Variants in IPO11 observed in about 807,000 individuals in gnomAD.
The protein encoded by IPO11 is importin 11.
IPO11 carries 66 observed loss-of-function variants against 143.2 expected under a neutral mutation model. That is an observed-to-expected ratio of 0.46 (90% CI 0.38 to 0.57). The LOEUF (loss-of-function observed/expected upper bound fraction) is 0.57. Ranked by LOEUF, IPO11 falls within the 20% of genes least tolerant of loss-of-function variation. The pLI, the probability that IPO11 is intolerant of heterozygous loss-of-function variation, is 0.00. For missense variants in IPO11, 1,026 were observed against 1,141.0 expected (o/e 0.90, Z 1.45); for synonymous variants, 385 against 377.8 (o/e 1.02, Z -0.22).
chr5:62,558,538 T>G (rs1743654847), intron 26 of IPO11, among the ~76,000 whole-genome samples: 1 of 152,208 alleles, frequency 6.6e-6, no homozygotes. Flanking sequence ...TAAATTATAT[T>G]TTATCAGAAT....
chr5:62,467,097 C>T (rs1370163049), intron 5 of IPO11, 34 bp from the exon 6 acceptor site: 25 of 1,584,710 alleles, frequency 1.6e-5, no homozygotes, highest in Non-Finnish European at 2.1e-5. Flanking sequence ...ATGTATAATA[C>T]ACTATGAATA....
intron 14 of IPO11, 127 bp downstream of exon 14, chr5:62,489,476 G>A: frequency 1.7e-6 from 1 of 577,568 alleles, no homozygotes; most frequent in Non-Finnish European, 3.0e-6. Context: ...CAATCTGATT[G>A]GGGAGATAAC....
intron 1 of IPO11, among the ~76,000 whole-genome samples, chr5:62,426,609 G>C (rs1160272149): frequency 6.6e-6 from 1 of 151,992 alleles, no homozygotes; most frequent in Non-Finnish European, 1.5e-5. Flanking sequence ...AATTCCTATG[G>C]AAATTTAAGC....
intron 5 of IPO11, among the ~76,000 whole-genome samples, chr5:62,460,498 A>T (rs953653157): frequency 1.8e-4 from 28 of 152,212 alleles, no homozygotes; most frequent in African/African-American, 6.5e-4. Flanking sequence ...ATGAACTTTG[A>T]TGTAAAACTT....
chr5:62,620,543 C>T (rs1252075298), intron 29 of IPO11, among the ~76,000 whole-genome samples: 1 of 141,182 alleles, frequency 7.1e-6, no homozygotes. Flanking sequence ...AAAAAAAATA[C>T]ATTGGTCCAG....
intron 1 of IPO11, among the ~76,000 whole-genome samples, chr5:62,428,816 C>G (rs561925058): frequency 6.6e-6 from 1 of 152,082 alleles, no homozygotes; most frequent in Non-Finnish European, 1.5e-5. Flanking sequence ...TGTGCCACTA[C>G]TCCTGGCTAA....
At chr5:62,442,193 G>A (rs907185291) in intron 2 of IPO11, among the ~76,000 whole-genome samples, 1 of 152,164 alleles carries the variant, frequency 6.6e-6, no homozygotes, top group African/African-American at 2.4e-5. Context: ...AGGGTACTAT[G>A]AAATAGTTTT....
intron 21 of IPO11, 27 bp downstream of exon 21, chr5:62,526,284 A>C (rs1442041437): frequency 7.6e-6 from 11 of 1,455,920 alleles, no homozygotes; most frequent in Non-Finnish European, 9.6e-6. Flanking sequence ...AATACCATGG[A>C]TCTTATTTTA....
At chr5:62,475,071 G>T (rs908120403) in intron 8 of IPO11, among the ~76,000 whole-genome samples, 3 of 152,122 alleles carry the variant, frequency 2.0e-5, no homozygotes, top group African/African-American at 4.8e-5. Context: ...ACTAAGAGGG[G>T]ACTACTGTAC....
In IPO11 at chr5:62,489,283, T is replaced by TTA. The variant is rs751447659; in HGVS notation, c.1310-9_1310-8dup. ...TTTATTTGCTTTTACTGATACCTAT[T>TTA]TATATATATATTTTTTAGGACCCAC... On this transcript the variant is annotated intron_variant, in intron 13 of 29. Transcript: ENST00000325324. 7.8e-6 allele frequency: 11 copies of TTA among 1,406,544 alleles called. No homozygotes were observed. The African/African-American group carries it at 1.5e-4, about 19-fold the overall frequency. The allele number at this position is 1,406,544 out of a possible 1,614,324, so 87.1% of individuals were successfully genotyped here.
intron 16 of IPO11, among the ~76,000 whole-genome samples, chr5:62,496,947 A>C (rs913370833): frequency 2.6e-5 from 4 of 152,196 alleles, no homozygotes; most frequent in African/African-American, 9.6e-5. Flanking sequence ...GATGTTATAA[A>C]ATTTGTGAAG....
chr5:62,552,968 A>G (rs1305496467), intron 26 of IPO11, among the ~76,000 whole-genome samples: 1 of 152,222 alleles, frequency 6.6e-6, no homozygotes, highest in East Asian at 1.9e-4. Context: ...GGGAACATAC[A>G]ACAGCCTCCT....
At chr5:62,497,648 T>C (rs1252715017) in intron 16 of IPO11, among the ~76,000 whole-genome samples, 1 of 152,192 alleles carries the variant, frequency 6.6e-6, no homozygotes, top group Non-Finnish European at 1.5e-5. Flanking sequence ...TTTTGATTTT[T>C]TGTATAGACG....
At chr5:62,547,281 G>C (rs1366627967) in intron 24 of IPO11, among the ~76,000 whole-genome samples, 1 of 152,010 alleles carries the variant, frequency 6.6e-6, no homozygotes, top group Admixed American at 6.6e-5. Flanking sequence ...AAGGTTATAG[G>C]ACCTGGCATT....
At chr5:62,536,660 GA>G in intron 22 of IPO11, 41 bp from the exon 23 acceptor site, 1 of 1,559,258 alleles carries the variant, frequency 6.4e-7, no homozygotes, top group Non-Finnish European at 8.6e-7. Flanking sequence ...TTTGAGCAGT[GA>G]ATTAATTTGG....
Position 62,544,879 on chromosome 5 carries a change from C to A in IPO11, c.2251-5488C>A, listed in dbSNP as rs533960856. On this transcript the variant is annotated intron_variant, in intron 24 of 29. Coordinates refer to ENST00000325324, the MANE Select transcript of IPO11 (RefSeq NM_016338.5). ...CAAAGAGAATAAAATACCTAGGAAT[C>A]CAACTTACAAGGGATGTGAAGGAGC... Among the ~76,000 whole-genome samples, 63 of 152,246 alleles carry A rather than the reference C, an allele frequency of 4.1e-4. 1 individual carries two copies. The highest frequency in any genetic ancestry group is 1.3e-3 in the African/African-American group (53 of 41,534).
At chr5:62,487,967 A>T (rs1746469848) in intron 13 of IPO11, 106 bp downstream of exon 13, 2 of 906,140 alleles carry the variant, frequency 2.2e-6, no homozygotes, top group Non-Finnish European at 3.2e-6. Context: ...GGGTCATATA[A>T]TAAATATGAA....
chr5:62,513,936 C>A (rs1741896755), intron 19 of IPO11, among the ~76,000 whole-genome samples: 1 of 149,862 alleles, frequency 6.7e-6, no homozygotes, highest in South Asian at 2.1e-4. Context: ...GGCCGAGGCG[C>A]TCCTCACATC....
intron 29 of IPO11, among the ~76,000 whole-genome samples, chr5:62,625,447 T>C (rs1465883203): frequency 6.6e-6 from 1 of 152,214 alleles, no homozygotes; most frequent in African/African-American, 2.4e-5. Flanking sequence ...TAGAAGTGAA[T>C]CTGGCTATTA....
Sources: allele counts gnomAD v4.1 joint callset (sites outside exome capture counted in the v4.1 genomes callset), GRCh38; gene constraint gnomAD v4.1.1; transcripts MANE v1.5; gene names NCBI Gene and HGNC (gene_info 2026-07-23, HGNC 2026-07-21).